Variants in TMEM37 observed in about 807,000 individuals in gnomAD.
The protein encoded by TMEM37 is voltage-dependent calcium channel gamma-like subunit.
Under a neutral mutation model 11.0 loss-of-function variants are expected in TMEM37, and 12 were observed. That is an observed-to-expected ratio of 1.09 (90% CI 0.70 to 1.76). TMEM37 has a LOEUF of 1.76. Ranked by LOEUF, TMEM37 falls within the 40% of genes most tolerant of loss-of-function variation. The pLI is 0.00. For missense variants in TMEM37, 203 were observed against 251.2 expected (o/e 0.81, Z 1.30); for synonymous variants, 127 against 110.5 (o/e 1.15, Z -0.94).
intron 1 of TMEM37, among the ~76,000 whole-genome samples, chr2:119,436,667 T>G (rs531778540): frequency 6.6e-6 from 1 of 152,144 alleles, no homozygotes; most frequent in African/African-American, 2.4e-5. Flanking sequence ...CAGGAAGCTC[T>G]TAGTGCCTGG....
chr2:119,431,677 A>G (rs1436437036), upstream of TMEM37, among the ~76,000 whole-genome samples: 1 of 152,172 alleles, frequency 6.6e-6, no homozygotes, highest in Non-Finnish European at 1.5e-5. Context: ...GCGGCTCCCC[A>G]GGGGCTCCTC....
chr2:119,431,836 G>T (rs1166596276), upstream of TMEM37: 11 of 1,223,608 alleles, frequency 9.0e-6, no homozygotes, highest in African/African-American at 1.4e-4. Context: ...GAAGTCCCGG[G>T]CTGGCGCCGG....
At chr2:119,435,678 C>T (rs527694129) in intron 1 of TMEM37, among the ~76,000 whole-genome samples, 4 of 152,268 alleles carry the variant, frequency 2.6e-5, no homozygotes, top group East Asian at 3.9e-4. Context: ...GGGTAGGGGG[C>T]GGCCTTCCCA....
At chr2:119,430,668 C>T (rs1323451042), upstream of TMEM37, among the ~76,000 whole-genome samples, 1 of 152,214 alleles carries the variant, frequency 6.6e-6, no homozygotes, top group Non-Finnish European at 1.5e-5. Context: ...CCAGGAGCTG[C>T]CTGCCTGAGT....
chr2:119,430,233 T>A (rs1682367731), upstream of TMEM37: 5 of 652,588 alleles, frequency 7.7e-6, no homozygotes, highest in East Asian at 1.5e-4. Flanking sequence ...GCCCTTTGCC[T>A]TAGCTCAGTG....
chr2:119,431,788 G>T (rs958773991), upstream of TMEM37: 5 of 592,086 alleles, frequency 8.4e-6, no homozygotes, highest in African/African-American at 3.9e-5. Context: ...GCCCCCTCCC[G>T]CCCCGCCCGC....
intron 1 of TMEM37, 81 bp downstream of exon 1, chr2:119,432,005 C>A: frequency 1.1e-6 from 1 of 941,194 alleles, no homozygotes; most frequent in Non-Finnish European, 1.4e-6. Context: ...GAGGGAGGGG[C>A]GTACCCACCG....
rs1420864694 is a variant in TMEM37, at chr2:119,437,068, C to G, written c.201C>G (p.Thr67=). Residue 67 remains threonine (T), a synonymous_variant, in exon 2 of 2, where the codon ACC becomes ACG. Coordinates refer to ENST00000306406, the MANE Select transcript of TMEM37 (RefSeq NM_183240.3). ...LFGLWHFCTT[T]NQTICFRDLG... is the part of the protein sequence containing the mutation. ...GGCTCTGGCACTTCTGCACCACCAC[C>G]AACCAGACGATCTGCTTCAGAGACC... 7.0e-7 allele frequency: 1 copy of G among 1,418,652 alleles called. No homozygotes were observed. Among genetic ancestry groups the G allele is most frequent in the Admixed American group, 2.4e-5 (1 of 41,874 alleles). The allele number at this position is 1,418,652 out of a possible 1,614,324, so 87.9% of individuals were successfully genotyped here.
intron 1 of TMEM37, 133 bp from the exon 2 acceptor site, chr2:119,436,756 G>A: frequency 4.0e-6 from 3 of 741,900 alleles, no homozygotes; most frequent in Non-Finnish European, 6.7e-6. Context: ...GTCTGTTCCG[G>A]GCTTCACAGG....
chr2:119,434,745 G>A (rs1054252652), intron 1 of TMEM37, among the ~76,000 whole-genome samples: 4 of 152,264 alleles, frequency 2.6e-5, no homozygotes, highest in African/African-American at 9.6e-5. Context: ...GCATCCCTCT[G>A]CACGCACCTT....
At chr2:119,431,650 A>G (rs937326750), upstream of TMEM37, among the ~76,000 whole-genome samples, 6 of 151,868 alleles carry the variant, frequency 4.0e-5, no homozygotes, top group African/African-American at 9.7e-5. Context: ...CCTCCCCCCA[A>G]GTGCCGGGTC....
rs577578831 is a variant in TMEM37 at position 119,432,115 on chromosome 2, G to GGCCT, written c.21+200_21+203dup. The GGCCT allele has an allele frequency of 6.5e-4, 253 of 386,606 alleles. 2 individuals are homozygous for GGCCT. Among genetic ancestry groups the GGCCT allele is most frequent in the African/African-American group, 4.7e-3 (225 of 47,904 alleles). 23.9% of individuals were successfully genotyped at this position (386,606 alleles called of 1,614,324 possible). A position where few individuals can be genotyped will look rare whatever the true frequency, so the allele number is the denominator to read the frequency against. On this transcript the variant is annotated intron_variant, in intron 1 of 1. Transcript: ENST00000306406. Reference sequence around the variant, plus strand: ...GGCTGGGCGGGGAGCAACCTCGGGGGGCCTGCCTGCCTCACATAGCTGCTC... The same window carrying GGCCT: ...GGCTGGGCGGGGAGCAACCTCGGGGGGCCTGCCTGCCTGCCTCACATAGCTGCTC...
upstream of TMEM37, among the ~76,000 whole-genome samples, chr2:119,430,662 G>A (rs138597522): frequency 2.9e-4 from 44 of 152,346 alleles, no homozygotes; most frequent in Admixed American, 2.0e-3. Flanking sequence ...AAGTCACCAG[G>A]AGCTGCCTGC....
intron 1 of TMEM37, among the ~76,000 whole-genome samples, chr2:119,434,962 T>A (rs1682470568): frequency 6.6e-6 from 1 of 152,196 alleles, no homozygotes; most frequent in Admixed American, 6.5e-5. Flanking sequence ...TAGTCAGTAT[T>A]TATTCGCTGA....
upstream of TMEM37, chr2:119,429,959 T>C (rs1573760168): frequency 1.3e-6 from 2 of 1,550,554 alleles, no homozygotes; most frequent in East Asian, 4.9e-5. Flanking sequence ...CTGATTTTAA[T>C]TCCAGGCACT....
At chr2:119,431,828 A>G (rs4340531), upstream of TMEM37, 1,004,160 of 1,197,254 alleles carry the variant, frequency 0.84, 421,843 homozygotes, top group African/African-American at 0.9. Context: ...CCTGCGGAGA[A>G]GTCCCGGGCT....
chr2:119,434,899 G>A (rs1045300000), intron 1 of TMEM37, among the ~76,000 whole-genome samples: 3 of 152,220 alleles, frequency 2.0e-5, no homozygotes, highest in Non-Finnish European at 2.9e-5. Context: ...AGGGAGGGCT[G>A]TAAGGGCTCA....
rs1682528354 is a variant in TMEM37, at chr2:119,437,575, A to G, written c.*135A>G. 11 of 1,227,712 alleles carry G rather than the reference A, an allele frequency of 9.0e-6. No homozygotes were observed. The South Asian group carries it at 1.6e-4, about 18-fold the overall frequency. 76.1% of individuals were successfully genotyped at this position (1,227,712 alleles called of 1,614,324 possible). A position where few individuals can be genotyped will look rare whatever the true frequency, so the allele number is the denominator to read the frequency against. On this transcript the variant is annotated 3_prime_UTR_variant, in exon 2 of 2. Coordinates refer to ENST00000306406, the MANE Select transcript of TMEM37 (RefSeq NM_183240.3). The stretch of plus-strand genomic sequence containing the variant: ...CCTTGAAACGGCTGCCTGTTTGCCG[A>G]TAACTTGTGGGTGGTCAGCCAGAAA...
chr2:119,433,874 G>A (rs17015806), intron 1 of TMEM37, among the ~76,000 whole-genome samples: 5,141 of 152,150 alleles, frequency 0.034, 111 homozygotes, highest in African/African-American at 0.061. Context: ...CGGGTGGTTA[G>A]GAATGAAGAC....
Sources: allele counts gnomAD v4.1 joint callset (sites outside exome capture counted in the v4.1 genomes callset), GRCh38; gene constraint gnomAD v4.1.1; transcripts MANE v1.5; gene names NCBI Gene and HGNC (gene_info 2026-07-23, HGNC 2026-07-21).